The following MCCC2 variants were observed in gnomAD, a reference collection of about 807,000 sequenced individuals.
MCCC2 encodes the protein methylcrotonyl-CoA carboxylase subunit 2.
A neutral mutation model predicts 77.2 loss-of-function variants in MCCC2; 52 were observed. The observed-to-expected ratio is 0.67, with a 90% CI of 0.54 to 0.85. MCCC2 has a LOEUF of 0.85. MCCC2 is among the 40% of genes least tolerant of loss of function. MCCC2 has a pLI of 0.00. For missense variants in MCCC2, 682 were observed against 703.2 expected (o/e 0.97, Z 0.34); for synonymous variants, 253 against 248.4 (o/e 1.02, Z -0.18).
intron 6 of MCCC2, among the ~76,000 whole-genome samples, chr5:71,605,765 AGGAAG>A (rs1745646951): frequency 6.6e-6 from 1 of 152,078 alleles, no homozygotes; most frequent in African/African-American, 2.4e-5. Context: ...ATAAGGTGTA[AGGAAG>A]GGATCCAGTT....
At position 71,587,424 on chromosome 5, in the gene MCCC2, C is replaced by T. The variant is rs1744801436; in HGVS notation, c.-2C>T. 2 of 1,534,206 alleles carry T rather than the reference C, an allele frequency of 1.3e-6. No individual in the cohort carries two copies. Among genetic ancestry groups the T allele is most frequent in the African/African-American group, 1.4e-5 (1 of 73,054 alleles). On this transcript the variant is annotated 5_prime_UTR_variant, in exon 1 of 17. Coordinates refer to ENST00000340941, the MANE Select transcript of MCCC2 (RefSeq NM_022132.5). ...CCGCTCTCTCGCTCGGTGCCCGCCG[C>T]CATGTGGGCCGTCCTGAGGTTAGCC...
chr5:71,651,378 T>TAGCCTCAG (rs1747433424), intron 15 of MCCC2, among the ~76,000 whole-genome samples: 1 of 152,244 alleles, frequency 6.6e-6, no homozygotes, highest in African/African-American at 2.4e-5. Context: ...GCTTTTAAAA[T>TAGCCTCAG]GAATTCTTTT....
intron 15 of MCCC2, 52 bp from the exon 16 acceptor site, chr5:71,652,617 C>CTTG (rs1459135623): frequency 7.3e-7 from 1 of 1,368,734 alleles, no homozygotes; most frequent in Non-Finnish European, 1.0e-6. Flanking sequence ...ATGATCTAAA[C>CTTG]AGGGCCAGTT....
At chr5:71,600,882 C>T (rs917818805) in intron 4 of MCCC2, among the ~76,000 whole-genome samples, 1 of 152,138 alleles carries the variant, frequency 6.6e-6, no homozygotes, top group Non-Finnish European at 1.5e-5. Flanking sequence ...TGGTCATAGG[C>T]AGTTCCTGGT....
At chr5:71,625,815 G>A (rs1286799038) in intron 6 of MCCC2, among the ~76,000 whole-genome samples, 4 of 152,154 alleles carry the variant, frequency 2.6e-5, no homozygotes, top group South Asian at 2.1e-4. Context: ...ATGGCATGCT[G>A]TTTTTCAGAA....
intron 12 of MCCC2, among the ~76,000 whole-genome samples, chr5:71,645,460 A>G (rs948687151): frequency 6.6e-6 from 1 of 152,244 alleles, no homozygotes; most frequent in Non-Finnish European, 1.5e-5. Context: ...ACTCAAGGTT[A>G]GAAGATTTCT....
chr5:71,618,590 C>G (rs1746260865), intron 6 of MCCC2, among the ~76,000 whole-genome samples: 1 of 147,944 alleles, frequency 6.8e-6, no homozygotes, highest in African/African-American at 2.5e-5. Context: ...TGAAGTCTTG[C>G]TGCTCAGGCT....
chr5:71,611,164 G>A (rs1189645025), intron 6 of MCCC2, among the ~76,000 whole-genome samples: 2 of 152,214 alleles, frequency 1.3e-5, no homozygotes, highest in African/African-American at 4.8e-5. Context: ...ACTTTGGGAG[G>A]CTGAAGTGAG....
intron 6 of MCCC2, among the ~76,000 whole-genome samples, chr5:71,618,490 TTCC>T (rs1746246475): frequency 1.4e-4 from 1 of 7,218 alleles, no homozygotes; most frequent in Admixed American, 1.7e-3. Flanking sequence ...TCTTTCCTTC[TTCC>T]TTCCTTCCTT....
At chr5:71,634,789 C>T (rs890124700) in intron 8 of MCCC2, among the ~76,000 whole-genome samples, 154 bp from the exon 9 acceptor site, 3 of 152,162 alleles carry the variant, frequency 2.0e-5, no homozygotes, top group Non-Finnish European at 2.9e-5. Flanking sequence ...AAAAGGACTA[C>T]TTAAGATGAC....
chr5:71,609,597 T>C (rs1441952731), intron 6 of MCCC2, among the ~76,000 whole-genome samples: 3 of 150,706 alleles, frequency 2.0e-5, no homozygotes, highest in East Asian at 3.9e-4. Context: ...CCAGCTTTGT[T>C]CCGTTGCTGG....
At chr5:71,611,076 ACT>A (rs1168568402) in intron 6 of MCCC2, among the ~76,000 whole-genome samples, 1 of 151,710 alleles carries the variant, frequency 6.6e-6, no homozygotes, top group African/African-American at 2.4e-5. Flanking sequence ...CCCTAGGGAA[ACT>A]CTGATATATG....
chr5:71,601,810 G>A (rs1745446994), intron 4 of MCCC2, among the ~76,000 whole-genome samples: 1 of 152,152 alleles, frequency 6.6e-6, no homozygotes, highest in Non-Finnish European at 1.5e-5. Flanking sequence ...TGCCAGTGCT[G>A]TACAGTTTCC....
intron 6 of MCCC2, among the ~76,000 whole-genome samples, chr5:71,614,278 C>T (rs1007451168): frequency 1.3e-5 from 2 of 151,966 alleles, no homozygotes; most frequent in African/African-American, 4.8e-5. Context: ...AACCTAAACC[C>T]GTCATTTATG....
chr5:71,632,053 C>A, intron 7 of MCCC2, 68 bp from the exon 8 acceptor site: 1 of 1,329,162 alleles, frequency 7.5e-7, no homozygotes, highest in Non-Finnish European at 1.1e-6. Flanking sequence ...AGGAGTTGTG[C>A]ATGTTGGGGA....
chr5:71,593,121 TC>T, intron 2 of MCCC2, 129 bp downstream of exon 2: 1 of 783,706 alleles, frequency 1.3e-6, no homozygotes, highest in Non-Finnish European at 2.1e-6. Context: ...GGAGTCTTGC[TC>T]TCTTGCCCAG....
Position 71,602,545 on chromosome 5 carries a change from A to T in MCCC2, c.423A>T (p.Lys141Asn). 6.2e-7 allele frequency: 1 copy of T among 1,614,172 alleles called. No homozygotes were observed. The highest frequency in any genetic ancestry group is 1.1e-5 in the South Asian group (1 of 91,082). ...CMIIANDATV[K>N]GGAYYPVTVK... Reference sequence around the variant, plus strand: ...TTATTGCCAATGATGCCACCGTCAAAGGAGGTGCCTACTACCCAGTGACTG... The same window carrying T: ...TTATTGCCAATGATGCCACCGTCAATGGAGGTGCCTACTACCCAGTGACTG... Residue 141 changes from lysine (K) to asparagine (N), a missense_variant, in exon 5 of 17, where the codon AAA becomes AAT. Lys to Asn is a moderately conservative substitution (Grantham distance 94). Coordinates refer to ENST00000340941, the MANE Select transcript of MCCC2 (RefSeq NM_022132.5).
chr5:71,654,866 TTC>T (rs1032809447), intron 16 of MCCC2, among the ~76,000 whole-genome samples: 14 of 151,462 alleles, frequency 9.2e-5, no homozygotes, highest in African/African-American at 3.2e-4. Context: ...GAGACAGAGT[TTC>T]TTGTTGCCCA....
chr5:71,597,305 G>A (rs1745227133), intron 3 of MCCC2, among the ~76,000 whole-genome samples: 1 of 152,196 alleles, frequency 6.6e-6, no homozygotes, highest in Admixed American at 6.5e-5. Context: ...GTCAGATCCT[G>A]TATGGCCTTG....
Sources: gnomAD v4.1 joint callset for allele counts (sites outside exome capture counted in the v4.1 genomes callset) on GRCh38, gnomAD v4.1.1 for gene constraint, MANE v1.5 for transcripts, NCBI Gene and HGNC (gene_info 2026-07-23, HGNC 2026-07-21) for gene names.